Variants in BBS9 observed in about 807,000 individuals in gnomAD.
BBS9 encodes Bardet-Biedl syndrome 9.
A neutral mutation model predicts 117.7 loss-of-function variants in BBS9; 89 were observed. That is an observed-to-expected ratio of 0.76 (90% CI 0.64 to 0.90). The LOEUF is 0.90. Among genes scored for constraint, BBS9 ranks in the 40% least tolerant of loss-of-function variants. The probability of loss-of-function intolerance (pLI) is 0.00; values close to 1 mark genes in which losing one functional copy is unlikely to be tolerated. For synonymous variants in BBS9, 379 were observed against 370.9 expected (o/e 1.02, Z -0.25); for missense variants, 982 against 1,042.2 (o/e 0.94, Z 0.80).
intron 22 of BBS9, 53 bp from the exon 23 acceptor site, chr7:33,605,142 G>A (rs1032358614): frequency 8.4e-6 from 13 of 1,554,756 alleles, no homozygotes; most frequent in Non-Finnish European, 1.2e-5. Flanking sequence ...GTGTATTCCT[G>A]TCACTATTCA....
chr7:33,468,138 GA>G (rs1307375816), intron 19 of BBS9, among the ~76,000 whole-genome samples: 1 of 152,148 alleles, frequency 6.6e-6, no homozygotes, highest in East Asian at 1.9e-4. Context: ...GGAAGAAGAT[GA>G]AAAGAGAGAG....
chr7:33,224,978 G>T (rs930706413), intron 5 of BBS9, among the ~76,000 whole-genome samples: 1 of 152,092 alleles, frequency 6.6e-6, no homozygotes, highest in Non-Finnish European at 1.5e-5. Flanking sequence ...ACATTTAAAG[G>T]AAGAAATCTC....
intron 5 of BBS9, among the ~76,000 whole-genome samples, chr7:33,244,268 T>C (rs1215434938): frequency 9.9e-5 from 15 of 152,096 alleles, no homozygotes; most frequent in Non-Finnish European, 1.5e-5. Context: ...AACATCCTGA[T>C]GGGCTTTTCA....
At chr7:33,628,210 A>G (rs1865731939) in intron 21 of BBS9, among the ~76,000 whole-genome samples, 1 of 152,302 alleles carries the variant, frequency 6.6e-6, no homozygotes, top group Admixed American at 6.5e-5. Context: ...AACAGTATTT[A>G]GGAAACAAGG....
intron 17 of BBS9, among the ~76,000 whole-genome samples, chr7:33,368,588 A>G (rs958016800): frequency 1.6e-5 from 2 of 122,020 alleles, no homozygotes; most frequent in Non-Finnish European, 1.7e-5. Flanking sequence ...ACACACACAC[A>G]CACACACACA....
Position 33,177,546 on chromosome 7 carries a change from A to G in BBS9, c.397A>G (p.Arg133Gly), listed in dbSNP as rs759120113. Reference protein sequence around the residue: ...MKLMYEHNLQRTACNMTYGSF... With the variant: ...MKLMYEHNLQGTACNMTYGSF... ...ATTGATGTATGAACATAATCTTCAGAGAACAGCCTGCAATATGACCTATGG... is the reference window on the plus strand; with the variant it reads ...ATTGATGTATGAACATAATCTTCAGGGAACAGCCTGCAATATGACCTATGG... The change falls in exon 5 of 23, where the codon AGA becomes GGA. Residue 133 changes from arginine to glycine, a missense_variant. Physicochemically the swap from Arg to Gly is moderately radical, Grantham distance 125 (BLOSUM62 -2). Coordinates refer to ENST00000242067, the MANE Select transcript of BBS9 (RefSeq NM_198428.3). 6.2e-6 allele frequency: 10 copies of G among 1,613,632 alleles called. No homozygotes were observed. In the Admixed American group the frequency reaches 1.7e-4, roughly 27 times the overall value.
At chr7:33,566,243 A>C (rs1435014967) in intron 21 of BBS9, among the ~76,000 whole-genome samples, 1 of 151,958 alleles carries the variant, frequency 6.6e-6, no homozygotes, top group African/African-American at 2.4e-5. Flanking sequence ...GCTGCAGACA[A>C]GAATTAATGC....
At chr7:33,419,215 A>G (rs1413504190) in intron 19 of BBS9, among the ~76,000 whole-genome samples, 1 of 152,168 alleles carries the variant, frequency 6.6e-6, no homozygotes, top group African/African-American at 2.4e-5. Flanking sequence ...GGATTGTGAC[A>G]ATGGGTTAAC....
chr7:33,290,776 G>T (rs188608752), intron 9 of BBS9, among the ~76,000 whole-genome samples: 3 of 152,276 alleles, frequency 2.0e-5, no homozygotes, highest in East Asian at 3.9e-4. Context: ...TAAACATAGA[G>T]ATTTCTTTAT....
chr7:33,400,984 A>G (rs1828817713), intron 19 of BBS9, among the ~76,000 whole-genome samples: 4 of 152,226 alleles, frequency 2.6e-5, no homozygotes, highest in Admixed American at 2.6e-4. Context: ...CAGTAAGATC[A>G]ATACCTATCC....
intron 5 of BBS9, among the ~76,000 whole-genome samples, chr7:33,231,428 C>CTTTTTTTTT (rs35407590): frequency 1.3e-4 from 14 of 106,370 alleles, no homozygotes; most frequent in African/African-American, 3.9e-4. Context: ...GCCTATGTGT[C>CTTTTTTTTT]TTTTTTTTTT....
intron 16 of BBS9, among the ~76,000 whole-genome samples, chr7:33,359,822 T>A (rs1189072909): frequency 6.6e-6 from 1 of 152,102 alleles, no homozygotes; most frequent in Non-Finnish European, 1.5e-5. Context: ...TGAACAAATA[T>A]AGGTATATTT....
downstream of BBS9, among the ~76,000 whole-genome samples, chr7:33,608,705 A>G (rs1400289054): frequency 6.6e-6 from 1 of 151,668 alleles, no homozygotes; most frequent in African/African-American, 2.4e-5. Context: ...AAATGGGATT[A>G]TTTGTTTTTT....
chr7:33,388,463 A>C (rs181757860), intron 19 of BBS9, among the ~76,000 whole-genome samples: 107 of 152,342 alleles, frequency 7.0e-4, no homozygotes, highest in African/African-American at 2.4e-3. Context: ...CTTGATAAAT[A>C]GTAGCTATTA....
chr7:33,400,099 T>A (rs1470460537), intron 19 of BBS9, among the ~76,000 whole-genome samples: 2 of 152,098 alleles, frequency 1.3e-5, no homozygotes, highest in Non-Finnish European at 2.9e-5. Context: ...AAATTTAATA[T>A]TAGGATTTTA....
intron 19 of BBS9, among the ~76,000 whole-genome samples, chr7:33,446,131 A>G (rs1836956527): frequency 6.6e-6 from 1 of 152,172 alleles, no homozygotes; most frequent in African/African-American, 2.4e-5. Flanking sequence ...GAGATCTAAA[A>G]TATGGTTCCT....
chr7:33,375,203 A>G (rs1823623130), intron 17 of BBS9, among the ~76,000 whole-genome samples: 1 of 152,094 alleles, frequency 6.6e-6, no homozygotes, highest in Non-Finnish European at 1.5e-5. Flanking sequence ...ATCTAAATTT[A>G]TTTTATCTGG....
intron 4 of BBS9, among the ~76,000 whole-genome samples, chr7:33,172,166 G>A (rs1217306753): frequency 6.6e-6 from 1 of 152,112 alleles, no homozygotes; most frequent in Non-Finnish European, 1.5e-5. Flanking sequence ...CGATCATGAA[G>A]TCAGGAGATT....
chr7:33,431,460 G>C (rs1289417843), intron 19 of BBS9, among the ~76,000 whole-genome samples: 1 of 152,106 alleles, frequency 6.6e-6, no homozygotes, highest in Non-Finnish European at 1.5e-5. Flanking sequence ...CTTAATGACC[G>C]ATGTAATGGT....
Sources: gnomAD v4.1 joint callset for allele counts (sites outside exome capture counted in the v4.1 genomes callset) on GRCh38, gnomAD v4.1.1 for gene constraint, MANE v1.5 for transcripts, NCBI Gene and HGNC (gene_info 2026-07-23, HGNC 2026-07-21) for gene names.